Variants in ZNF827 observed in about 807,000 individuals in gnomAD.
ZNF827 encodes zinc finger protein 827.
A neutral mutation model predicts 102.4 loss-of-function variants in ZNF827; 13 were observed. The ratio of observed to expected loss-of-function variants is 0.13; its 90% CI spans 0.08 to 0.20. The LOEUF (loss-of-function observed/expected upper bound fraction) is 0.20. Ranked by LOEUF, ZNF827 falls within the 10% of genes least tolerant of loss-of-function variation. ZNF827 has a pLI of 1.00. For synonymous variants in ZNF827, 523 were observed against 536.2 expected (o/e 0.98, Z 0.34); for missense variants, 1,103 against 1,344.4 (o/e 0.82, Z 2.81).
intron 11 of ZNF827, among the ~76,000 whole-genome samples, chr4:145,773,442 G>A (rs749310201): frequency 4.6e-5 from 7 of 152,188 alleles, no homozygotes; most frequent in Non-Finnish European, 8.8e-5. Context: ...CAGCACAACT[G>A]TCAGGGAAAT....
At chr4:145,822,711 A>G (rs140939427) in intron 8 of ZNF827, among the ~76,000 whole-genome samples, 130 of 152,202 alleles carry the variant, frequency 8.5e-4, no homozygotes, top group African/African-American at 3.1e-3. Context: ...GGGAGTATGA[A>G]CTAGAGTGCA....
At chr4:145,822,278 G>T (rs931862134) in intron 8 of ZNF827, among the ~76,000 whole-genome samples, 1 of 152,218 alleles carries the variant, frequency 6.6e-6, no homozygotes, top group African/African-American at 2.4e-5. Flanking sequence ...GTGGGGAGAT[G>T]AGAAGAAATG....
intron 3 of ZNF827, among the ~76,000 whole-genome samples, chr4:145,888,791 T>C (rs907016573): frequency 1.3e-5 from 2 of 152,218 alleles, no homozygotes; most frequent in Non-Finnish European, 2.9e-5. Context: ...GTATGTTCAC[T>C]TATCCAGGAA....
Position 145,823,591 on chromosome 4 carries a change from G to A in ZNF827, c.2280-66C>T, listed in dbSNP as rs568531050. ...TTATTTAAGACACCCAGAGCACCTG[G>A]TCCCAAATACATATATACGCAATAT... On this transcript the variant is annotated intron_variant, in intron 7 of 14. Coordinates refer to ENST00000508784, the MANE Select transcript of ZNF827 (RefSeq NM_001306215.2). 2,007 of 1,062,500 alleles carry A rather than the reference G, an allele frequency of 1.9e-3. 6 individuals are homozygous for A. Among genetic ancestry groups the A allele is most frequent in the Non-Finnish European group, 2.4e-3 (1,666 of 682,586 alleles). The allele number at this position is 1,062,500 out of a possible 1,614,324, so 65.8% of individuals were successfully genotyped here. A position where few individuals can be genotyped will look rare whatever the true frequency, so the allele number is the denominator to read the frequency against.
At chr4:145,934,893 A>G (rs1754050443) in intron 1 of ZNF827, among the ~76,000 whole-genome samples, 1 of 152,210 alleles carries the variant, frequency 6.6e-6, no homozygotes, top group South Asian at 2.1e-4. Context: ...AGTTTTCATA[A>G]GTTCCTTTTT....
intron 8 of ZNF827, among the ~76,000 whole-genome samples, chr4:145,815,045 C>T (rs1742455317): frequency 6.6e-6 from 1 of 152,082 alleles, no homozygotes; most frequent in African/African-American, 2.4e-5. Context: ...ATGGTGTGTG[C>T]CATGGTGGGT....
chr4:145,761,046 G>A lies in ZNF827; in HGVS notation c.*570C>T, dbSNP rs745468947. ...TGCCGTGGGCTGCCGACAGGGCCAC[G>A]GTCTGCAGAGCCTGGGAGGCAGACA... On this transcript the variant is annotated 3_prime_UTR_variant, in exon 15 of 15. Transcript: ENST00000508784. This position sits in a 1 kb window ranked among gnomAD's most constrained non-coding sequence, Gnocchi z 6.8. 7 of 1,287,892 alleles carry A rather than the reference G, an allele frequency of 5.4e-6. No individual in the cohort carries two copies. The African/African-American group carries it at 6.1e-5, about 11-fold the overall frequency. 79.8% of individuals were successfully genotyped at this position (1,287,892 alleles called of 1,614,324 possible). A position where few individuals can be genotyped will look rare whatever the true frequency, so the allele number is the denominator to read the frequency against.
chr4:145,780,436 C>T (rs1312411700), intron 8 of ZNF827, among the ~76,000 whole-genome samples: 1 of 152,154 alleles, frequency 6.6e-6, no homozygotes, highest in African/African-American at 2.4e-5. Flanking sequence ...ACCAGAATTT[C>T]CCCCAAAGGT....
chr4:145,931,841 G>A (rs542639565), intron 1 of ZNF827, among the ~76,000 whole-genome samples: 1 of 152,312 alleles, frequency 6.6e-6, no homozygotes, highest in East Asian at 1.9e-4. Context: ...CATAGAAACA[G>A]GTATAGCAAT....
At chr4:145,937,993 C>T (rs1754350871) in intron 1 of ZNF827, among the ~76,000 whole-genome samples, 1 of 150,066 alleles carries the variant, frequency 6.7e-6, no homozygotes, top group Non-Finnish European at 1.5e-5. Flanking sequence ...CCCACCAAAC[C>T]CCCGATAAAA....
intron 2 of ZNF827, among the ~76,000 whole-genome samples, chr4:145,895,275 C>T (rs754918758): frequency 2.1e-4 from 32 of 152,182 alleles, no homozygotes; most frequent in Non-Finnish European, 4.0e-4. Context: ...GTGACCAATG[C>T]GTTTCCTATT....
At chr4:145,864,437 A>G (rs1420354091) in intron 5 of ZNF827, among the ~76,000 whole-genome samples, 1 of 149,720 alleles carries the variant, frequency 6.7e-6, no homozygotes, top group East Asian at 1.9e-4. Flanking sequence ...AAAAAAAAAA[A>G]AAAAAAATTA....
chr4:145,892,109 C>T lies in ZNF827; in HGVS notation c.1266+134G>A, dbSNP rs543661580. On this transcript the variant is annotated intron_variant, in intron 3 of 14. Coordinates refer to ENST00000508784, the MANE Select transcript of ZNF827 (RefSeq NM_001306215.2). ...CTTTCTGTTGAATTCTACCTTGCTA[C>T]GTGGAGTACTGTCATCCGCATGTTT... is the stretch of plus-strand genomic sequence containing the variant. The T allele has an allele frequency of 4.2e-4, 316 of 758,062 alleles. 1 individual carries two copies. In the African/African-American group the frequency reaches 4.7e-3, roughly 11 times the overall value. The allele number at this position is 758,062 out of a possible 1,614,324, so 47.0% of individuals were successfully genotyped here.
At position 145,860,080 on chromosome 4, in the gene ZNF827, A is replaced by T. The variant is rs1221341667; in HGVS notation, c.1981+10165T>A. ...TCTTTGGAAAAAAAGTTCTAAAAAA[A>T]GTATTACTTACATATTACCCGATAT... On this transcript the variant is annotated intron_variant, in intron 5 of 14. Coordinates refer to ENST00000508784, the MANE Select transcript of ZNF827 (RefSeq NM_001306215.2). Among the ~76,000 whole-genome samples, 4 of 152,234 alleles carry T rather than the reference A, an allele frequency of 2.6e-5. No homozygotes were observed. In the East Asian group the frequency reaches 5.8e-4, roughly 22 times the overall value.
intron 7 of ZNF827, among the ~76,000 whole-genome samples, chr4:145,835,470 C>T (rs971195958): frequency 2.7e-5 from 4 of 149,658 alleles, no homozygotes; most frequent in Admixed American, 6.6e-5. Flanking sequence ...TTAAGCACTC[C>T]TTTTTAGTTA....
At chr4:145,769,734 C>T (rs1233574236) in intron 11 of ZNF827, among the ~76,000 whole-genome samples, 1 of 152,134 alleles carries the variant, frequency 6.6e-6, no homozygotes, top group South Asian at 2.1e-4. Flanking sequence ...TCTTCAGCAT[C>T]ACAAAGATCT....
At chr4:145,933,143 G>C (rs915293601) in intron 1 of ZNF827, among the ~76,000 whole-genome samples, 3 of 152,208 alleles carry the variant, frequency 2.0e-5, no homozygotes, top group Non-Finnish European at 4.4e-5. Context: ...GCATGAGAAG[G>C]AATGTGATTT....
intron 1 of ZNF827, among the ~76,000 whole-genome samples, chr4:145,906,042 C>A (rs1486025432): frequency 6.6e-6 from 1 of 152,154 alleles, no homozygotes; most frequent in East Asian, 1.9e-4. Flanking sequence ...AAGTTACAAC[C>A]ACACATCAAA....
intron 1 of ZNF827, among the ~76,000 whole-genome samples, chr4:145,903,603 G>A (rs1751599842): frequency 6.6e-6 from 1 of 152,200 alleles, no homozygotes; most frequent in African/African-American, 2.4e-5. Flanking sequence ...GAGAGAGGCA[G>A]CCTGGCATAG....
Sources: gnomAD v4.1 joint callset for allele counts (sites outside exome capture counted in the v4.1 genomes callset) on GRCh38, gnomAD v4.1.1 for gene constraint, Gnocchi (gnomAD v3.1) non-coding constraint, MANE v1.5 for transcripts, NCBI Gene and HGNC (gene_info 2026-07-23, HGNC 2026-07-21) for gene names.